MROH9: variants seen among roughly 807,000 people sequenced by gnomAD.
MROH9 encodes the protein maestro heat like repeat family member 9.
In MROH9, 92 loss-of-function variants were observed where a neutral mutation model predicts 98.2. The ratio of observed to expected loss-of-function variants is 0.94; its 90% CI spans 0.79 to 1.11. The LOEUF is 1.11. MROH9 is among the 50% of genes most tolerant of loss of function. The probability of loss-of-function intolerance (pLI) is 0.00; values close to 1 mark genes in which losing one functional copy is unlikely to be tolerated. For synonymous variants in MROH9, 397 were observed against 368.9 expected, an observed-to-expected ratio of 1.08 and a Z score of -0.87; for missense variants, 1,057 against 1,014.8, an observed-to-expected ratio of 1.04 and a Z score of -0.57.
chr1:170,961,696 T>C lies in MROH9; in HGVS notation c.289-194T>C, dbSNP rs561947391. ...CTTTTTCTTTGTATATTTTTTAATA[T>C]CTGAGATAATGCTAAAATTCTTTAA... On this transcript the variant is annotated intron_variant, in intron 5 of 21. Transcript: ENST00000367759. Among the ~76,000 whole-genome samples the C allele has an allele frequency of 3.3e-5, 5 of 152,320 alleles. No individual in the cohort carries two copies. In the East Asian group the frequency reaches 7.7e-4, roughly 23 times the overall value.
At chr1:171,038,926 T>C (rs973005826) in intron 20 of MROH9, among the ~76,000 whole-genome samples, 1 of 152,080 alleles carries the variant, frequency 6.6e-6, no homozygotes, top group African/African-American at 2.4e-5. Context: ...TTCCAGTTAT[T>C]CATGAAGAAA....
intron 8 of MROH9, among the ~76,000 whole-genome samples, chr1:170,973,359 A>C (rs1650549709): frequency 6.6e-6 from 1 of 152,142 alleles, no homozygotes; most frequent in Admixed American, 6.5e-5. Flanking sequence ...ACAAGTACCG[A>C]GGTACAGTAC....
At position 171,064,397 on chromosome 1, in the gene MROH9, T is replaced by C. The variant is rs546457562; in HGVS notation, c.*57T>C. Reference sequence around the variant, plus strand: ...AACAATGGGAAGTCCAACAATGTCTTGGAGCTGACCTTAGAAGAAGAATGA... The same window carrying C: ...AACAATGGGAAGTCCAACAATGTCTCGGAGCTGACCTTAGAAGAAGAATGA... On this transcript the variant is annotated 3_prime_UTR_variant, in exon 22 of 22. Transcript: ENST00000367759. 1.5e-5 allele frequency: 22 copies of C among 1,457,596 alleles called. No homozygotes were observed. In the Admixed American group the frequency reaches 5.9e-4, roughly 39 times the overall value. The allele number at this position is 1,457,596 out of a possible 1,614,324, so 90.3% of individuals were successfully genotyped here.
At chr1:170,989,132 C>T (rs1395416884) in intron 10 of MROH9, among the ~76,000 whole-genome samples, 3 of 151,958 alleles carry the variant, frequency 2.0e-5, no homozygotes, top group Non-Finnish European at 4.4e-5. Flanking sequence ...AATTTTTCAG[C>T]TTATAATCTC....
chr1:170,977,446 T>A (rs770912732), intron 8 of MROH9, among the ~76,000 whole-genome samples: 1 of 152,184 alleles, frequency 6.6e-6, no homozygotes, highest in African/African-American at 2.4e-5. Context: ...AGGGTCTGTA[T>A]TTGTATCTGA....
chr1:170,983,478 T>C lies in MROH9; in HGVS notation c.673T>C (p.Ser225Pro). 1 of 1,613,424 alleles carries C rather than the reference T, an allele frequency of 6.2e-7. No homozygotes were observed. Residue 225 changes from serine (S) to proline (P), a missense_variant, in exon 9 of 22, where the codon TCT (serine) becomes CCT (proline). Transcript: ENST00000367759. Reference sequence around the variant, plus strand: ...AAGTCATAGCCTCCAGTTTCCTTCTTCTGATGTAGAATTTCTACCCAAGGA... The same window carrying C: ...AAGTCATAGCCTCCAGTTTCCTTCTCCTGATGTAGAATTTCTACCCAAGGA... Reference protein sequence around the residue: ...GKSHSLQFPSSDVEFLPKEFQ... With the variant: ...GKSHSLQFPSPDVEFLPKEFQ...
chr1:170,989,556 T>A (rs1274664392), intron 10 of MROH9, among the ~76,000 whole-genome samples: 3 of 152,248 alleles, frequency 2.0e-5, no homozygotes. Context: ...TATATGTATG[T>A]TTCCTATACC....
At chr1:170,940,219 C>A (rs1041170223) in intron 1 of MROH9, among the ~76,000 whole-genome samples, 5 of 152,192 alleles carry the variant, frequency 3.3e-5, no homozygotes, top group Non-Finnish European at 5.9e-5. Flanking sequence ...TCTCAACATG[C>A]TCCACACTAC....
At chr1:171,020,898 G>T (rs1434172450) in intron 17 of MROH9, among the ~76,000 whole-genome samples, 2 of 151,022 alleles carry the variant, frequency 1.3e-5, no homozygotes, top group Non-Finnish European at 3.0e-5. Flanking sequence ...AAGCTGATAA[G>T]CAACTTCACA....
At chr1:171,019,406 C>A (rs1243689971) in intron 17 of MROH9, among the ~76,000 whole-genome samples, 1 of 152,104 alleles carries the variant, frequency 6.6e-6, no homozygotes, top group Non-Finnish European at 1.5e-5. Flanking sequence ...GTAATCCCAG[C>A]ACTTTGGAAG....
chr1:170,989,968 C>A lies in MROH9; in HGVS notation c.993C>A (p.Ile331=). ...CATGCACTTCACCCAAGAAGGTCAT[C>A]TTTCAACTTATGGACTACCCAGTTC... ...LLTCTSPKKV[I]FQLMDYPVPA... Residue 331 remains isoleucine (I), a synonymous_variant, in exon 11 of 22, where the codon ATC becomes ATA. Coordinates refer to ENST00000367759, the MANE Select transcript of MROH9 (RefSeq NM_001163629.2). 6.2e-7 allele frequency: 1 copy of A among 1,613,064 alleles called. No homozygotes were observed.
At chr1:171,019,349 C>T (rs148857812) in intron 17 of MROH9, among the ~76,000 whole-genome samples, 1 of 152,074 alleles carries the variant, frequency 6.6e-6, no homozygotes, top group Non-Finnish European at 1.5e-5. Context: ...ACTAAATGCC[C>T]ATGTCATAAG....
chr1:171,021,640 C>T (rs1228396557), intron 17 of MROH9, among the ~76,000 whole-genome samples: 1 of 152,074 alleles, frequency 6.6e-6, no homozygotes, highest in Non-Finnish European at 1.5e-5. Context: ...GACCCCAAAC[C>T]ATACAAACCC....
chr1:170,948,450 G>T (rs912672512), intron 3 of MROH9, among the ~76,000 whole-genome samples: 1 of 151,974 alleles, frequency 6.6e-6, no homozygotes, highest in African/African-American at 2.4e-5. Flanking sequence ...ATTAAACAGG[G>T]TCATTTAATC....
chr1:170,994,740 A>G (rs1480334110), intron 12 of MROH9, among the ~76,000 whole-genome samples: 1 of 152,000 alleles, frequency 6.6e-6, no homozygotes, highest in Non-Finnish European at 1.5e-5. Flanking sequence ...CACCTCCCCC[A>G]TCCCACTACC....
chr1:170,970,729 TGTGAGAGAGAGAGAGAGA>T (rs1341983821), intron 7 of MROH9, among the ~76,000 whole-genome samples: 7 of 102,152 alleles, frequency 6.9e-5, no homozygotes, highest in African/African-American at 2.5e-4. Context: ...TGTGTGTGTG[TGTGAGAGAGAGAGAGAGA>T]GAGAGAGAGA....
chr1:170,971,648 T>C lies in MROH9; in HGVS notation c.481-100T>C, dbSNP rs1650460887. ...GATATTGTAAACTCTGAAGCTTATC[T>C]TAGAATCCTAGTCTGATTTATAACA... On this transcript the variant is annotated intron_variant, in intron 7 of 21. Coordinates refer to ENST00000367759, the MANE Select transcript of MROH9 (RefSeq NM_001163629.2). 5 of 1,355,122 alleles carry C rather than the reference T, an allele frequency of 3.7e-6. No homozygotes were observed. In the Admixed American group the frequency reaches 7.8e-5, roughly 21 times the overall value. The allele number at this position is 1,355,122 out of a possible 1,614,324, so 83.9% of individuals were successfully genotyped here.
chr1:170,945,328 A>C (rs1402444738), intron 1 of MROH9, among the ~76,000 whole-genome samples, 192 bp from the exon 2 acceptor site: 1 of 152,070 alleles, frequency 6.6e-6, no homozygotes, highest in Non-Finnish European at 1.5e-5. Context: ...CTGAGACTGA[A>C]CCTTCTGACC....
chr1:171,003,890 C>G (rs1173956186), intron 15 of MROH9, among the ~76,000 whole-genome samples: 1 of 152,056 alleles, frequency 6.6e-6, no homozygotes, highest in Non-Finnish European at 1.5e-5. Flanking sequence ...TGACTGAGCT[C>G]AGACTCCCCT....
Sources: gnomAD v4.1 joint callset for allele counts (sites outside exome capture counted in the v4.1 genomes callset) on GRCh38, gnomAD v4.1.1 for gene constraint, MANE v1.5 for transcripts, NCBI Gene and HGNC (gene_info 2026-07-23, HGNC 2026-07-21) for gene names.